CADM2: variants seen among roughly 807,000 people sequenced by gnomAD.
CADM2 encodes immunoglobulin superfamily member 4D.
A neutral mutation model predicts 49.8 loss-of-function variants in CADM2; 12 were observed. The ratio of observed to expected loss-of-function variants is 0.24; its 90% CI spans 0.15 to 0.39. The LOEUF is 0.39. Ranked by LOEUF, CADM2 falls within the 10% of genes least tolerant of loss-of-function variation. CADM2 has a pLI of 1.00. For missense variants in CADM2, 378 were observed against 492.3 expected (o/e 0.77, Z 2.20); for synonymous variants, 214 against 175.4 (o/e 1.22, Z -1.74).
intron 2 of CADM2, chr3:85,800,887 C>T (rs992142940): frequency 5.3e-5 from 8 of 152,202 alleles, no homozygotes; most frequent in Non-Finnish European, 1.2e-4. Context: ...TAATAAGATT[C>T]TTACGCCAAT....
chr3:85,752,917 A>G (rs2068931474), intron 2 of CADM2, among the ~76,000 whole-genome samples: 1 of 152,220 alleles, frequency 6.6e-6, no homozygotes, highest in South Asian at 2.1e-4. Context: ...CAGAGGCTGG[A>G]AAACAAAGCA....
At chr3:85,155,979 G>C (rs971589683) in intron 1 of CADM2, among the ~76,000 whole-genome samples, 2 of 152,148 alleles carry the variant, frequency 1.3e-5, no homozygotes, top group African/African-American at 4.8e-5. Context: ...ATGCCCACAA[G>C]AGAAAGCAGG....
intron 1 of CADM2, among the ~76,000 whole-genome samples, chr3:85,175,617 G>C (rs1576044780): frequency 6.6e-6 from 1 of 152,088 alleles, no homozygotes; most frequent in Admixed American, 6.6e-5. Context: ...TCATTGTTTA[G>C]TGAGTTAAGA....
intron 8 of CADM2, among the ~76,000 whole-genome samples, chr3:86,019,749 A>T (rs1732867096): frequency 6.6e-6 from 1 of 152,032 alleles, no homozygotes; most frequent in Non-Finnish European, 1.5e-5. Flanking sequence ...ATTTTGCTGA[A>T]GTTGCTTATC....
At chr3:85,852,901 T>G (rs2075164380) in intron 3 of CADM2, among the ~76,000 whole-genome samples, 1 of 152,092 alleles carries the variant, frequency 6.6e-6, no homozygotes, top group Non-Finnish European at 1.5e-5. Flanking sequence ...ATAAATTTTC[T>G]GCTGAATCAA....
intron 1 of CADM2, among the ~76,000 whole-genome samples, chr3:85,347,588 C>CAT (rs201380935): frequency 0.42 from 57,697 of 138,982 alleles, 12,400 homozygotes; most frequent in African/African-American, 0.54. Flanking sequence ...TACATATATA[C>CAT]ATATATATAC....
chr3:85,508,366 T>A (rs2040451070), intron 1 of CADM2, among the ~76,000 whole-genome samples: 1 of 152,210 alleles, frequency 6.6e-6, no homozygotes, highest in African/African-American at 2.4e-5. Context: ...TACTATGATC[T>A]AAATAATGTG....
chr3:85,289,846 T>A (rs1037775161), intron 1 of CADM2, among the ~76,000 whole-genome samples: 3 of 152,204 alleles, frequency 2.0e-5, no homozygotes, highest in Non-Finnish European at 4.4e-5. Flanking sequence ...GTTAGATAGT[T>A]ACTAAAATCA....
chr3:85,188,023 A>G (rs1011471716), intron 1 of CADM2, among the ~76,000 whole-genome samples: 3 of 152,026 alleles, frequency 2.0e-5, no homozygotes, highest in Non-Finnish European at 4.4e-5. Flanking sequence ...TATCTAAATT[A>G]TTTAACATAT....
In CADM2 at chr3:85,927,506, T is replaced by G. The variant is rs536456664; in HGVS notation, c.701-8261T>G. Among the ~76,000 whole-genome samples, 9 of 152,322 alleles carry G rather than the reference T, an allele frequency of 5.9e-5. 1 individual carries two copies. Among genetic ancestry groups the G allele is most frequent in the African/African-American group, 2.2e-4 (9 of 41,594 alleles). ...AAATGGGTACTAGCACTCTTCTTTG[T>G]GTGTCTTAGGAACTATGTAAGTGTT... On this transcript the variant is annotated intron_variant, in intron 6 of 9. Coordinates refer to ENST00000383699, the MANE Select transcript of CADM2 (RefSeq NM_001167675.2).
chr3:85,612,495 A>G (rs2063704430), intron 1 of CADM2, among the ~76,000 whole-genome samples: 1 of 151,842 alleles, frequency 6.6e-6, no homozygotes, highest in Admixed American at 6.6e-5. Context: ...GGATGCTCCA[A>G]TACAGTTAGT....
At chr3:85,001,810 T>G (rs935161873) in intron 1 of CADM2, among the ~76,000 whole-genome samples, 1 of 152,084 alleles carries the variant, frequency 6.6e-6, no homozygotes, top group Admixed American at 6.6e-5. Context: ...TAAACATAAT[T>G]TATTTTATGT....
At position 85,577,845 on chromosome 3, in the gene CADM2, T is replaced by A. The variant is rs941581402; in HGVS notation, c.62-148677T>A. 2.6e-5 allele frequency among the ~76,000 whole-genome samples: 4 copies of A among 152,046 alleles called. 1 individual carries two copies. The highest frequency in any genetic ancestry group is 5.9e-5 in the Non-Finnish European group (4 of 67,974). On this transcript the variant is annotated intron_variant, in intron 1 of 9. Coordinates refer to ENST00000383699, the MANE Select transcript of CADM2 (RefSeq NM_001167675.2). Reference sequence around the variant, plus strand: ...ACCTTTCTGTGTAACATCAGACAAATGGAGAACAAGTATAAGAAAACAATG... The same window carrying A: ...ACCTTTCTGTGTAACATCAGACAAAAGGAGAACAAGTATAAGAAAACAATG...
intron 1 of CADM2, among the ~76,000 whole-genome samples, chr3:85,268,590 C>G (rs193105376): frequency 4.9e-4 from 74 of 151,268 alleles, no homozygotes; most frequent in Admixed American, 4.6e-3. Context: ...AAGAACATCA[C>G]AAATTTATAA....
intron 8 of CADM2, among the ~76,000 whole-genome samples, chr3:86,005,348 T>TGA (rs1313179107): frequency 1.3e-5 from 2 of 152,072 alleles, no homozygotes; most frequent in African/African-American, 4.8e-5. Context: ...GTTAGGAGTT[T>TGA]GAGACCAGCC....
At chr3:85,025,759 G>A (rs188045182) in intron 1 of CADM2, among the ~76,000 whole-genome samples, 17 of 152,042 alleles carry the variant, frequency 1.1e-4, no homozygotes, top group Admixed American at 7.9e-4. Context: ...GATAATAGAC[G>A]GAGTTTATAT....
chr3:85,607,152 A>G (rs937984073), intron 1 of CADM2, among the ~76,000 whole-genome samples: 2 of 152,206 alleles, frequency 1.3e-5, no homozygotes, highest in African/African-American at 4.8e-5. Context: ...AGGTTTAAGA[A>G]GATGAAGACA....
At chr3:85,603,570 AG>A (rs2063475843) in intron 1 of CADM2, among the ~76,000 whole-genome samples, 1 of 151,794 alleles carries the variant, frequency 6.6e-6, no homozygotes, top group South Asian at 2.1e-4. Context: ...GGGGAAACAA[AG>A]GGGCTATTCA....
intron 1 of CADM2, among the ~76,000 whole-genome samples, chr3:85,550,144 T>C (rs1053576094): frequency 1.3e-5 from 2 of 152,190 alleles, no homozygotes; most frequent in African/African-American, 4.8e-5. Flanking sequence ...ATGGTGGAAC[T>C]AGAATTTGAA....
Sources: gnomAD v4.1 joint callset for allele counts (sites outside exome capture counted in the v4.1 genomes callset) on GRCh38, gnomAD v4.1.1 for gene constraint, MANE v1.5 for transcripts, NCBI Gene and HGNC (gene_info 2026-07-23, HGNC 2026-07-21) for gene names.